ATXN2: variants seen among roughly 807,000 people sequenced by gnomAD.
ATXN2 encodes the protein ataxin-2.
In ATXN2, 37 loss-of-function variants were observed where a neutral mutation model predicts 138.6. That is an observed-to-expected ratio of 0.27 (90% confidence interval 0.21 to 0.35). The LOEUF (loss-of-function observed/expected upper bound fraction) is 0.35, where lower values mean the gene tolerates loss of function less well. Among genes scored for constraint, ATXN2 ranks in the 10% least tolerant of loss-of-function variants. The probability of loss-of-function intolerance (pLI) is 1.00; values close to 1 mark genes in which losing one functional copy is unlikely to be tolerated. For synonymous variants in ATXN2, 549 were observed against 543.7 expected, an observed-to-expected ratio of 1.01 and a Z score of -0.13; for missense variants, 1,216 against 1,480.3, an observed-to-expected ratio of 0.82 and a Z score of 2.93.
intron 7 of ATXN2, among the ~76,000 whole-genome samples, 189 bp from the exon 8 acceptor site, chr12:111,520,265 T>C (rs910821271): frequency 6.6e-6 from 1 of 152,234 alleles, no homozygotes; most frequent in Non-Finnish European, 1.5e-5. Flanking sequence ...TTTTTTTCTG[T>C]TACCTTTTCT....
In ATXN2 at chr12:111,453,129, C is replaced by CA. The variant is rs1397551532; in HGVS notation, c.3440-290dup. On this transcript the variant is annotated intron_variant, in intron 24 of 24. Transcript: ENST00000673436. The surrounding 1 kb of genome is among the most constrained non-coding windows in gnomAD (Gnocchi z 5.4). ...CCCTCCCCAAATATTAGCCAAGCAC[C>CA]AGTATTGCTTTCAGAATAACAGGTC... 2 of 1,236,966 alleles carry CA rather than the reference C, an allele frequency of 1.6e-6. No homozygotes were observed. The highest frequency in any genetic ancestry group is 3.1e-5 in the African/African-American group (2 of 64,752). The allele number at this position is 1,236,966 out of a possible 1,614,324, so 76.6% of individuals were successfully genotyped here.
chr12:111,553,580 A>C (rs1361661244), intron 3 of ATXN2, among the ~76,000 whole-genome samples: 4 of 94,784 alleles, frequency 4.2e-5, no homozygotes, highest in Non-Finnish European at 6.9e-5. Context: ...CTCAAAAAAA[A>C]AAAAAAAAAA....
rs979573014 is a variant in ATXN2 at position 111,452,376 on chromosome 12, TAAG to T, written c.*433_*435del. The T allele has an allele frequency of 6.4e-6, 1 of 155,130 alleles. No homozygotes were observed. Among genetic ancestry groups the T allele is most frequent in the Non-Finnish European group, 1.4e-5 (1 of 69,906 alleles). 9.6% of individuals were successfully genotyped at this position (155,130 alleles called of 1,614,324 possible). A position where few individuals can be genotyped will look rare whatever the true frequency, so the allele number is the denominator to read the frequency against. ...AAATAATAATCCGTCAGTTTGACGG[TAAG>T]AATTTACTGAAACTTTGTCAAGTTT... On this transcript the variant is annotated 3_prime_UTR_variant, in exon 25 of 25. Transcript: ENST00000673436.
chr12:111,479,390 TAAAAAAAAAA>T (rs33967202), intron 18 of ATXN2, among the ~76,000 whole-genome samples: 1 of 49,848 alleles, frequency 2.0e-5, no homozygotes, highest in African/African-American at 6.4e-5. Context: ...CCGTCTCTGC[TAAAAAAAAAA>T]AAAAAAAAAA....
At chr12:111,469,284 T>C (rs1876243321) in intron 20 of ATXN2, 1 of 152,218 alleles carries the variant, frequency 6.6e-6, no homozygotes, top group African/African-American at 2.4e-5. Flanking sequence ...ACAAAACATC[T>C]TAATGAAATC....
At chr12:111,532,341 G>A (rs780378039) in intron 5 of ATXN2, among the ~76,000 whole-genome samples, 3 of 152,078 alleles carry the variant, frequency 2.0e-5, no homozygotes, top group African/African-American at 7.2e-5. Flanking sequence ...TTAGCTAGGC[G>A]TGGTGGTGTG....
At position 111,599,241 on chromosome 12, in the gene ATXN2, G is replaced by C; in HGVS notation, c.-207C>G. 2 of 1,207,982 alleles carry C rather than the reference G, an allele frequency of 1.7e-6. No individual in the cohort carries two copies. Among genetic ancestry groups the C allele is most frequent in the Non-Finnish European group, 2.1e-6 (2 of 975,234 alleles). 74.8% of individuals were successfully genotyped at this position (1,207,982 alleles called of 1,614,324 possible). On this transcript the variant is annotated 5_prime_UTR_variant, in exon 1 of 25. Transcript: ENST00000673436. ...GGCCCGCCGAGACCAAGGAGCCGCC[G>C]GGAGCCGGGCCGAAACGCGCCGCCG...
chr12:111,571,904 C>A (rs889924405), intron 1 of ATXN2, among the ~76,000 whole-genome samples: 1 of 150,340 alleles, frequency 6.7e-6, no homozygotes, highest in Non-Finnish European at 1.5e-5. Context: ...CCCAGTTACT[C>A]GGGAAGCTGA....
intron 1 of ATXN2, among the ~76,000 whole-genome samples, chr12:111,595,359 C>T (rs1418230332): frequency 6.6e-6 from 1 of 152,190 alleles, no homozygotes; most frequent in South Asian, 2.1e-4. Context: ...AAAAACCTTA[C>T]AGCCGGGCGC....
chr12:111,566,061 T>C (rs1241108072), intron 1 of ATXN2, among the ~76,000 whole-genome samples: 1 of 151,864 alleles, frequency 6.6e-6, no homozygotes, highest in African/African-American at 2.4e-5. Context: ...AGGACATAAA[T>C]GTTTTCATAA....
chr12:111,462,740 C>A (rs990954199), intron 21 of ATXN2, among the ~76,000 whole-genome samples: 5 of 152,110 alleles, frequency 3.3e-5, no homozygotes, highest in Non-Finnish European at 5.9e-5. Flanking sequence ...GAAAACAACA[C>A]CAAACTACTA....
Position 111,588,715 on chromosome 12 carries a change from G to C in ATXN2, c.251+10069C>G, listed in dbSNP as rs187345143. Among the ~76,000 whole-genome samples the C allele has an allele frequency of 2.0e-3, 305 of 152,056 alleles. 1 individual carries two copies. The highest frequency in any genetic ancestry group is 0.01 in the Middle Eastern group (3 of 292). On this transcript the variant is annotated intron_variant, in intron 1 of 24. Transcript: ENST00000673436. ...ATAAAAAAAATACCAAACCAGGCCG[G>C]ACGCGGTGGCTCATGCCTATAATCC...
intron 14 of ATXN2, among the ~76,000 whole-genome samples, chr12:111,489,092 G>A (rs554644338): frequency 6.6e-6 from 1 of 152,064 alleles, no homozygotes; most frequent in Non-Finnish European, 1.5e-5. Context: ...TCTTATACTT[G>A]TCATTTAAAT....
rs561167952 is a variant in ATXN2, at chr12:111,534,186, G to T, written c.572-8870C>A. On this transcript the variant is annotated intron_variant, in intron 5 of 24. Coordinates refer to ENST00000673436, the MANE Select transcript of ATXN2 (RefSeq NM_001372574.1). ...AAGCCAAGGCAGGTGGACTGCCTGA[G>T]CTCAGGAGTTCGAAACCAACCTGGG... Among the ~76,000 whole-genome samples, 40 of 152,162 alleles carry T rather than the reference G, an allele frequency of 2.6e-4. No individual in the cohort carries two copies. In the South Asian group the frequency reaches 2.7e-3, roughly 10 times the overall value.
Position 111,496,173 on chromosome 12 carries a change from C to CAAAT in ATXN2, c.1936-7397_1936-7394dup, listed in dbSNP as rs530995157. Among the ~76,000 whole-genome samples the CAAAT allele has an allele frequency of 1.6e-4, 24 of 151,760 alleles. No homozygotes were observed. The South Asian group carries it at 2.9e-3, about 18-fold the overall frequency. ...TGTTACAAACAAACAAACAAACAAA[C>CAAAT]AAATAAATAAATAAAAATTCAAAAA... On this transcript the variant is annotated intron_variant, in intron 14 of 24. Transcript: ENST00000673436.
At chr12:111,525,707 T>TA (rs1249331265) in intron 5 of ATXN2, among the ~76,000 whole-genome samples, 3 of 150,142 alleles carry the variant, frequency 2.0e-5, no homozygotes, top group Non-Finnish European at 3.0e-5. Context: ...TTTTTTGAGA[T>TA]AGAGTCTCGT....
intron 20 of ATXN2, among the ~76,000 whole-genome samples, chr12:111,465,052 T>C (rs1875891750): frequency 6.6e-6 from 1 of 152,200 alleles, no homozygotes; most frequent in South Asian, 2.1e-4. Context: ...ACAAGTTTAA[T>C]TCAATAGACA....
intron 14 of ATXN2, among the ~76,000 whole-genome samples, chr12:111,493,127 T>C (rs1483087137): frequency 6.6e-6 from 1 of 151,942 alleles, no homozygotes; most frequent in Non-Finnish European, 1.5e-5. Context: ...TATTTGAAAA[T>C]AAACAACCAA....
intron 5 of ATXN2, among the ~76,000 whole-genome samples, chr12:111,551,872 ATTTCTTT>A (rs928434892): frequency 1.3e-5 from 2 of 151,694 alleles, no homozygotes; most frequent in African/African-American, 2.4e-5. Context: ...GAAAGTAGAT[ATTTCTTT>A]TTTCTTTCTT....
Sources: gnomAD v4.1 joint callset for allele counts (sites outside exome capture counted in the v4.1 genomes callset) on GRCh38, gnomAD v4.1.1 for gene constraint, Gnocchi (gnomAD v3.1) non-coding constraint, MANE v1.5 for transcripts, NCBI Gene and HGNC (gene_info 2026-07-23, HGNC 2026-07-21) for gene names.